The following CATSPERG variants were observed in gnomAD, a reference collection of about 807,000 sequenced individuals.
CATSPERG encodes the protein cation channel sperm-associated auxiliary subunit gamma.
A neutral mutation model predicts 145.0 loss-of-function variants in CATSPERG; 115 were observed. That is an observed-to-expected ratio of 0.79 (90% CI 0.68 to 0.93). The LOEUF is 0.93. CATSPERG is among the 40% of genes least tolerant of loss of function. The probability of loss-of-function intolerance (pLI) is 0.00; values close to 1 mark genes in which losing one functional copy is unlikely to be tolerated. For synonymous variants in CATSPERG, 588 were observed against 589.0 expected, an observed-to-expected ratio of 1.00 and a Z score of 0.02; for missense variants, 1,296 against 1,490.1, an observed-to-expected ratio of 0.87 and a Z score of 2.14.
intron 13 of CATSPERG, among the ~76,000 whole-genome samples, chr19:38,359,183 T>C (rs977006805): frequency 1.3e-5 from 2 of 151,544 alleles, no homozygotes; most frequent in Admixed American, 6.6e-5. Context: ...CAGTTTAGGA[T>C]CCTCCCCACC....
rs1970518547 is a variant in CATSPERG at position 38,370,012 on chromosome 19, C to G, written c.3061C>G (p.Pro1021Ala). The G allele has an allele frequency of 6.2e-7, 1 of 1,614,096 alleles. No individual in the cohort carries two copies. The highest frequency in any genetic ancestry group is 8.5e-7 in the Non-Finnish European group (1 of 1,180,054). Residue 1021 changes from proline (P) to alanine (A), a missense_variant, in exon 27 of 29, where the codon CCC becomes GCC. Pro to Ala is a conservative substitution (Grantham distance 27). Coordinates refer to ENST00000409235, the MANE Select transcript of CATSPERG (RefSeq NM_021185.5). ...LENAPCYDNV[P>A]QGIFAPEFFF... Reference sequence around the variant, plus strand: ...GAATGCCCCATGCTATGACAATGTTCCCCAAGGCATCTTTGCCCCTGAATT... The same window carrying G: ...GAATGCCCCATGCTATGACAATGTTGCCCAAGGCATCTTTGCCCCTGAATT...
intron 3 of CATSPERG, among the ~76,000 whole-genome samples, chr19:38,340,052 C>T (rs1197371000): frequency 6.6e-6 from 1 of 151,902 alleles, no homozygotes; most frequent in Non-Finnish European, 1.5e-5. Context: ...CAGGGTTTCA[C>T]CATGTTGGCC....
chr19:38,343,871 C>T (rs1397983842), intron 4 of CATSPERG, 122 bp from the exon 5 acceptor site: 2 of 1,416,670 alleles, frequency 1.4e-6, no homozygotes, highest in Non-Finnish European at 1.9e-6. Context: ...ACAGAGGCCC[C>T]AGTGGGACCC....
At chr19:38,352,553 C>G in intron 8 of CATSPERG, 121 bp downstream of exon 8, 1 of 971,398 alleles carries the variant, frequency 1.0e-6, no homozygotes, top group Non-Finnish European at 1.6e-6. Context: ...TTGCCAAGGC[C>G]CCAAATCACC....
intron 8 of CATSPERG, among the ~76,000 whole-genome samples, chr19:38,353,850 G>A (rs186026918): frequency 3.8e-4 from 58 of 151,236 alleles, no homozygotes; most frequent in Non-Finnish European, 6.9e-4. Context: ...AAATTAGCTG[G>A]GTGTGGTGGC....
At chr19:38,346,069 C>T (rs865833875) in intron 6 of CATSPERG, among the ~76,000 whole-genome samples, 6 of 152,056 alleles carry the variant, frequency 3.9e-5, no homozygotes, top group Admixed American at 6.6e-5. Context: ...AACAGGGCAA[C>T]GGGAGTTGGG....
Position 38,356,801 on chromosome 19 carries a change from C to A in CATSPERG, c.1255C>A (p.Leu419Met). 1 of 1,614,116 alleles carries A rather than the reference C, an allele frequency of 6.2e-7. No homozygotes were observed. The highest frequency in any genetic ancestry group is 8.5e-7 in the Non-Finnish European group (1 of 1,179,998). The stretch of plus-strand genomic sequence containing the variant: ...CGCGGGTGAGTATACTCTACTGCTG[C>A]TGGTGGAGAGTGGATATGGTAATGC... ...YIAGEYTLLL[L>M]VESGYGNASK... Residue 419 changes from leucine (L) to methionine (M), a missense_variant, in exon 11 of 29, where the codon CTG becomes ATG. Coordinates refer to ENST00000409235, the MANE Select transcript of CATSPERG (RefSeq NM_021185.5).
chr19:38,340,470 G>A (rs1259756450), intron 3 of CATSPERG, among the ~76,000 whole-genome samples: 2 of 151,738 alleles, frequency 1.3e-5, no homozygotes, highest in Non-Finnish European at 2.9e-5. Context: ...ACAGATGTGC[G>A]CCACCACGCC....
At chr19:38,363,096 T>A (rs2145104569) in intron 20 of CATSPERG, among the ~76,000 whole-genome samples, 1 of 152,256 alleles carries the variant, frequency 6.6e-6, no homozygotes, top group South Asian at 2.1e-4. Flanking sequence ...TGGAGTGCAA[T>A]GGCACGATCT....
At chr19:38,352,165 C>T in intron 7 of CATSPERG, 96 bp from the exon 8 acceptor site, 2 of 1,274,806 alleles carry the variant, frequency 1.6e-6, no homozygotes, top group Non-Finnish European at 2.2e-6. Flanking sequence ...TGTGTCCCTC[C>T]CAAGCAGCTG....
chr19:38,367,660 G>A, intron 24 of CATSPERG, 21 bp from the exon 25 acceptor site: 1 of 1,613,746 alleles, frequency 6.2e-7, no homozygotes, highest in Non-Finnish European at 8.5e-7. Flanking sequence ...GCCAGTCTGT[G>A]TGCACTTCTG....
Position 38,358,680 on chromosome 19 carries a change from A to T in CATSPERG, c.1496+119A>T. 3 of 1,220,346 alleles carry T rather than the reference A, an allele frequency of 2.5e-6. No individual in the cohort carries two copies. In the South Asian group the frequency reaches 4.1e-5, roughly 17 times the overall value. The allele number at this position is 1,220,346 out of a possible 1,614,324, so 75.6% of individuals were successfully genotyped here. The stretch of plus-strand genomic sequence containing the variant: ...TCACCAAGCCTTCAAAGGATGCACA[A>T]ATCCAGAAGTTACCAGGACTGTGAT... On this transcript the variant is annotated intron_variant, in intron 13 of 28. Transcript: ENST00000409235.
chr19:38,362,308 G>A (rs932897729), intron 18 of CATSPERG, 36 bp downstream of exon 18: 2 of 1,613,258 alleles, frequency 1.2e-6, no homozygotes, highest in Admixed American at 1.7e-5. Context: ...GAAAGGGGCG[G>A]CGCCCGGACA....
chr19:38,367,941 C>A, intron 25 of CATSPERG, 107 bp from the exon 26 acceptor site: 1 of 1,187,776 alleles, frequency 8.4e-7, no homozygotes, highest in South Asian at 1.2e-5. Context: ...CCCCTAACAC[C>A]ATGTCCCCTG....
chr19:38,362,458 A>T lies in CATSPERG; in HGVS notation c.2240A>T (p.Asn747Ile). 6.2e-7 allele frequency: 1 copy of T among 1,613,670 alleles called. No individual in the cohort carries two copies. Among genetic ancestry groups the T allele is most frequent in the Non-Finnish European group, 8.5e-7 (1 of 1,179,964 alleles). Reference sequence around the variant, plus strand: ...ATGGACAGCTACGAAAAGATCTACAACCTCGAGTCCGCGTACGAGCTGCCG... The same window carrying T: ...ATGGACAGCTACGAAAAGATCTACATCCTCGAGTCCGCGTACGAGCTGCCG... Reference protein sequence around the residue: ...IEMDSYEKIYNLESAYELPER... With the variant: ...IEMDSYEKIYILESAYELPER... Residue 747 changes from asparagine (N) to isoleucine (I), a missense_variant, in exon 19 of 29, where the codon AAC (asparagine) becomes ATC (isoleucine). Asn to Ile is a moderately radical substitution (Grantham distance 149). Transcript: ENST00000409235.
chr19:38,346,101 A>G (rs1443224228), intron 6 of CATSPERG, among the ~76,000 whole-genome samples: 1 of 152,182 alleles, frequency 6.6e-6, no homozygotes, highest in Admixed American at 6.5e-5. Context: ...GAAGAGTGCA[A>G]TATTTAATGG....
In CATSPERG at chr19:38,340,000, A is replaced by G. The variant is rs150864739; in HGVS notation, c.324+2354A>G. On this transcript the variant is annotated intron_variant, in intron 3 of 28. Coordinates refer to ENST00000409235, the MANE Select transcript of CATSPERG (RefSeq NM_021185.5). ...CTACTGAGTAGCAGGAATTACAGGC[A>G]TGCGCCACCATGCCTGGCTAATTTT... is the stretch of plus-strand genomic sequence containing the variant. Among the ~76,000 whole-genome samples the G allele has an allele frequency of 2.5e-3, 380 of 152,058 alleles. 10 individuals carry two copies. In the East Asian group the frequency reaches 0.049, roughly 20 times the overall value.
At chr19:38,359,772 C>T (rs1044553939) in intron 14 of CATSPERG, 191 bp downstream of exon 14, 13 of 1,342,502 alleles carry the variant, frequency 9.7e-6, no homozygotes, top group Non-Finnish European at 1.2e-5. Context: ...CAAAGTCACG[C>T]AGACCGGAGC....
At chr19:38,351,044 C>A (rs1970130558) in intron 7 of CATSPERG, among the ~76,000 whole-genome samples, 1 of 152,092 alleles carries the variant, frequency 6.6e-6, no homozygotes, top group African/African-American at 2.4e-5. Flanking sequence ...ACTACAGAGG[C>A]TGCATCTTCT....
Sources: gnomAD v4.1 joint callset for allele counts (sites outside exome capture counted in the v4.1 genomes callset) on GRCh38, gnomAD v4.1.1 for gene constraint, MANE v1.5 for transcripts, NCBI Gene and HGNC (gene_info 2026-07-23, HGNC 2026-07-21) for gene names.